The following TGIF1 variants were observed in gnomAD, a reference collection of about 807,000 sequenced individuals.
The protein encoded by TGIF1 is TGFB induced factor homeobox 1.
A neutral mutation model predicts 19.3 loss-of-function variants in TGIF1; 4 were observed. The observed-to-expected ratio is 0.21, with a 90% CI of 0.10 to 0.47. The LOEUF (loss-of-function observed/expected upper bound fraction) is 0.47. TGIF1 is among the 20% of genes least tolerant of loss of function. The probability of loss-of-function intolerance (pLI) is 0.98; values close to 1 mark genes in which losing one functional copy is unlikely to be tolerated. For missense variants in TGIF1, 275 were observed against 341.4 expected (o/e 0.81, Z 1.53); for synonymous variants, 122 against 129.3 (o/e 0.94, Z 0.38).
Position 3,451,857 on chromosome 18 carries a change from G to C in TGIF1, c.16+1352G>C. 1 of 1,405,102 alleles carries C rather than the reference G, an allele frequency of 7.1e-7. No individual in the cohort carries two copies. The highest frequency in any genetic ancestry group is 1.8e-5 in the South Asian group (1 of 55,540). The allele number at this position is 1,405,102 out of a possible 1,614,324, so 87.0% of individuals were successfully genotyped here. On this transcript the variant is annotated intron_variant, in intron 1 of 2. Transcript: ENST00000343820. This position sits in a 1 kb window ranked among gnomAD's most constrained non-coding sequence, Gnocchi z 5.4. The stretch of plus-strand genomic sequence containing the variant: ...ATTGGCCCTGGGAGAAAACGCGCGG[G>C]GGGCGTCCGAGACGCCCCGTGAAAG...
Position 3,451,387 on chromosome 18 carries a change from G to A in TGIF1, c.16+882G>A. 1 of 980,276 alleles carries A rather than the reference G, an allele frequency of 1.0e-6. No individual in the cohort carries two copies. Among genetic ancestry groups the A allele is most frequent in the Non-Finnish European group, 1.2e-6 (1 of 829,190 alleles). 60.7% of individuals were successfully genotyped at this position (980,276 alleles called of 1,614,324 possible). A position where few individuals can be genotyped will look rare whatever the true frequency, so the allele number is the denominator to read the frequency against. On this transcript the variant is annotated intron_variant, in intron 1 of 2. Transcript: ENST00000343820. The surrounding 1 kb of genome is among the most constrained non-coding windows in gnomAD (Gnocchi z 5.4). Reference sequence around the variant, plus strand: ...AGAAACCACACAAAACACCCCGAAAGGTCAGAGTGTGAAGTCCCTTTTGAA... The same window carrying A: ...AGAAACCACACAAAACACCCCGAAAAGTCAGAGTGTGAAGTCCCTTTTGAA...
At chr18:3,434,437 G>A (rs1415963772) in intron 2 of TGIF1, among the ~76,000 whole-genome samples, 1 of 152,198 alleles carries the variant, frequency 6.6e-6, no homozygotes, top group Non-Finnish European at 1.5e-5. Flanking sequence ...TTGGGAGGCT[G>A]AGGCAGGAGA....
chr18:3,452,785 T>C (rs1043055041), intron 1 of TGIF1, among the ~76,000 whole-genome samples: 1 of 152,222 alleles, frequency 6.6e-6, no homozygotes, highest in African/African-American at 2.4e-5. Flanking sequence ...TCTTGTCTTA[T>C]AAAAGTCTGC....
chr18:3,422,692 T>G (rs77899577), intron 2 of TGIF1, among the ~76,000 whole-genome samples: 9,752 of 135,516 alleles, frequency 0.072, 1,510 homozygotes, highest in African/African-American at 0.26. Flanking sequence ...TTTTTTTTTT[T>G]TTTTTTTTTT....
exon 1 of TGIF1, chr18:3,412,242 TC>T (rs1196258331): frequency 6.6e-6 from 1 of 152,116 alleles, no homozygotes; most frequent in Non-Finnish European, 1.5e-5. Context: ...GAGCTCCTCA[TC>T]GAGAAACCCA....
At chr18:3,430,132 GT>G (rs1314295639) in intron 2 of TGIF1, among the ~76,000 whole-genome samples, 2 of 152,220 alleles carry the variant, frequency 1.3e-5, no homozygotes, top group Non-Finnish European at 1.5e-5. Context: ...CTCCAGCTGG[GT>G]GACAGAGTAA....
At chr18:3,444,353 G>C (rs1433051711) in intron 2 of TGIF1, among the ~76,000 whole-genome samples, 1 of 150,052 alleles carries the variant, frequency 6.7e-6, no homozygotes, top group African/African-American at 2.4e-5. Context: ...ACATGTGAAG[G>C]TTTCTTAAAT....
Position 3,456,645 on chromosome 18 carries a change from C to A in TGIF1, c.243+65C>A. The A allele has an allele frequency of 7.0e-7, 1 of 1,437,154 alleles. No homozygotes were observed. The highest frequency in any genetic ancestry group is 1.1e-5 in the South Asian group (1 of 87,486). The allele number at this position is 1,437,154 out of a possible 1,614,324, so 89.0% of individuals were successfully genotyped here. A position where few individuals can be genotyped will look rare whatever the true frequency, so the allele number is the denominator to read the frequency against. On this transcript the variant is annotated intron_variant, in intron 2 of 2. Coordinates refer to ENST00000343820, the MANE Select transcript of TGIF1 (RefSeq NM_003244.4). This position sits in a 1 kb window ranked among gnomAD's most constrained non-coding sequence, Gnocchi z 4.2. ...GTTTCAAAGTCATTTTATGGCATTC[C>A]TGTGTGTCAAGTCATTAAGCTCCTT...
At chr18:3,446,953 G>T (rs1029744131), upstream of TGIF1, among the ~76,000 whole-genome samples, 1 of 152,166 alleles carries the variant, frequency 6.6e-6, no homozygotes, top group African/African-American at 2.4e-5. Flanking sequence ...TTGAGTAGAA[G>T]AAACAAATAC....
intron 1 of TGIF1, among the ~76,000 whole-genome samples, chr18:3,416,146 C>G (rs2082328927): frequency 6.6e-6 from 1 of 152,224 alleles, no homozygotes; most frequent in Non-Finnish European, 1.5e-5. Context: ...AATCTTCTAG[C>G]CAGTTTCCTT....
chr18:3,427,290 C>T (rs1355570704), intron 2 of TGIF1, among the ~76,000 whole-genome samples: 3 of 147,374 alleles, frequency 2.0e-5, no homozygotes, highest in Non-Finnish European at 4.5e-5. Context: ...AATACATTCT[C>T]CCTTTTTTTT....
intron 1 of TGIF1, chr18:3,413,097 G>A (rs1317700400): frequency 1.3e-5 from 2 of 152,118 alleles, no homozygotes; most frequent in Non-Finnish European, 2.9e-5. Flanking sequence ...AGAAATGCTG[G>A]GGATAAAATA....
chr18:3,420,185 A>G (rs1307743849), intron 2 of TGIF1, among the ~76,000 whole-genome samples: 1 of 152,072 alleles, frequency 6.6e-6, no homozygotes, highest in African/African-American at 2.4e-5. Flanking sequence ...GTTTGAGACC[A>G]TCCTGGCCAA....
At chr18:3,433,001 C>T (rs1020815162) in intron 2 of TGIF1, among the ~76,000 whole-genome samples, 29 of 152,040 alleles carry the variant, frequency 1.9e-4, no homozygotes, top group African/African-American at 6.8e-4. Context: ...TCAGGTCATC[C>T]GCCCGGCTTG....
intron 1 of TGIF1, among the ~76,000 whole-genome samples, 192 bp downstream of exon 1, chr18:3,450,697 G>T (rs1156273571): frequency 6.6e-6 from 1 of 152,216 alleles, no homozygotes; most frequent in Non-Finnish European, 1.5e-5. Flanking sequence ...ACAACACGAG[G>T]GGCTGTTGTG....
chr18:3,456,517 T>A lies in TGIF1; in HGVS notation c.180T>A (p.Asn60Lys). The change falls in exon 2 of 3, where the codon AAT (asparagine) becomes AAA (lysine). Residue 60 changes from asparagine (N) to lysine (K), a missense_variant. Physicochemically the swap from Asn to Lys is moderately conservative, Grantham distance 94. Coordinates refer to ENST00000343820, the MANE Select transcript of TGIF1 (RefSeq NM_003244.4). This position sits in a 1 kb window ranked among gnomAD's most constrained non-coding sequence, Gnocchi z 4.2. The part of the protein sequence containing the change: ...LRDWLYEHRY[N>K]AYPSEQEKAL... ...ATTGGCTGTATGAGCACCGTTACAA[T>A]GCCTATCCTTCAGAGCAAGAAAAAG... 6.2e-7 allele frequency: 1 copy of A among 1,614,218 alleles called. No homozygotes were observed. The highest frequency in any genetic ancestry group is 8.5e-7 in the Non-Finnish European group (1 of 1,180,038).
In TGIF1 at chr18:3,457,982, C is replaced by A; in HGVS notation, c.*42C>A. ...ACAGTTCTCAGAAATGTCATGATTG[C>A]CGGGGTGAAGGCAAGAGATGAATTG... On this transcript the variant is annotated 3_prime_UTR_variant, in exon 3 of 3. Coordinates refer to ENST00000343820, the MANE Select transcript of TGIF1 (RefSeq NM_003244.4). This position sits in a 1 kb window ranked among gnomAD's most constrained non-coding sequence, Gnocchi z 4.9. The A allele has an allele frequency of 6.4e-7, 1 of 1,567,558 alleles. No homozygotes were observed. The highest frequency in any genetic ancestry group is 8.7e-7 in the Non-Finnish European group (1 of 1,150,902).
At chr18:3,436,275 C>T (rs1478105336) in intron 2 of TGIF1, among the ~76,000 whole-genome samples, 1 of 152,032 alleles carries the variant, frequency 6.6e-6, no homozygotes, top group Non-Finnish European at 1.5e-5. Context: ...AAGACAGTAC[C>T]AGCTAATTGC....
chr18:3,426,194 G>A (rs1224931021), intron 2 of TGIF1, among the ~76,000 whole-genome samples: 20 of 128,598 alleles, frequency 1.6e-4, no homozygotes, highest in Non-Finnish European at 3.1e-5. Flanking sequence ...TTTGAGACAG[G>A]GTCTTGCTCT....
Sources: gnomAD v4.1 joint callset for allele counts (sites outside exome capture counted in the v4.1 genomes callset) on GRCh38, gnomAD v4.1.1 for gene constraint, Gnocchi (gnomAD v3.1) non-coding constraint, MANE v1.5 for transcripts, NCBI Gene and HGNC (gene_info 2026-07-23, HGNC 2026-07-21) for gene names.